Variants in PCDHA8 observed in about 807,000 individuals in gnomAD.
PCDHA8 encodes the protein protocadherin alpha 8.
Under a neutral mutation model 61.8 loss-of-function variants are expected in PCDHA8, and 53 were observed. The ratio of observed to expected loss-of-function variants is 0.86; its 90% CI spans 0.69 to 1.08. The LOEUF is 1.08. PCDHA8 is among the 50% of genes least tolerant of loss of function. PCDHA8 has a pLI of 0.00. For synonymous variants in PCDHA8, 618 were observed against 556.6 expected (o/e 1.11, Z -1.55); for missense variants, 1,293 against 1,245.0 (o/e 1.04, Z -0.58).
chr5:140,922,164 A>G lies in PCDHA8; in HGVS notation c.2395-56785A>G, dbSNP rs1382732959. Among the ~76,000 whole-genome samples the G allele has an allele frequency of 2.1e-5, 3 of 145,926 alleles. No individual in the cohort carries two copies. The East Asian group carries it at 6.4e-4, about 31-fold the overall frequency. Reference sequence around the variant, plus strand: ...CATGAAACTCATCAAAAACAACAAAAAGTACAGCAGACAAAAAAAAAGTCT... The same window carrying G: ...CATGAAACTCATCAAAAACAACAAAGAGTACAGCAGACAAAAAAAAAGTCT... On this transcript the variant is annotated intron_variant, in intron 1 of 3. Transcript: ENST00000531613.
rs781992926 is a variant in PCDHA8 at position 140,990,008 on chromosome 5, G to A, written c.2542+7445G>A. On this transcript the variant is annotated intron_variant, in intron 3 of 3. Coordinates refer to ENST00000531613, the MANE Select transcript of PCDHA8 (RefSeq NM_018911.3). ...CCTGAAATTGTCTATCTCCAAGGGCGTGGGCTAGGCAAAGGATGGGAGAAG... is the reference window on the plus strand; with the variant it reads ...CCTGAAATTGTCTATCTCCAAGGGCATGGGCTAGGCAAAGGATGGGAGAAG... Among the ~76,000 whole-genome samples the A allele has an allele frequency of 2.8e-4, 43 of 152,230 alleles. 1 individual carries two copies. The highest frequency in any genetic ancestry group is 9.1e-4 in the African/African-American group (38 of 41,532).
intron 1 of PCDHA8, among the ~76,000 whole-genome samples, chr5:140,972,578 C>A (rs1554234223): frequency 6.6e-6 from 1 of 151,798 alleles, no homozygotes; most frequent in Non-Finnish European, 1.5e-5. Flanking sequence ...GGCAATAGGG[C>A]AGAATTTCTC....
At chr5:140,956,788 G>T (rs2095310590) in intron 1 of PCDHA8, among the ~76,000 whole-genome samples, 1 of 152,094 alleles carries the variant, frequency 6.6e-6, no homozygotes, top group African/African-American at 2.4e-5. Flanking sequence ...GGCTTTGTTT[G>T]CTTGGTGGGC....
intron 1 of PCDHA8, among the ~76,000 whole-genome samples, chr5:140,953,196 TA>T (rs1166571162): frequency 6.6e-6 from 1 of 152,156 alleles, no homozygotes; most frequent in Non-Finnish European, 1.5e-5. Context: ...TTGATTAGAC[TA>T]AAAATGCAAA....
At chr5:140,964,173 C>A (rs1052958313) in intron 1 of PCDHA8, among the ~76,000 whole-genome samples, 5 of 152,174 alleles carry the variant, frequency 3.3e-5, no homozygotes, top group Non-Finnish European at 7.4e-5. Context: ...GGAACGAAAT[C>A]ATTATAGTGC....
At chr5:140,999,592 C>T (rs1443096475) in intron 3 of PCDHA8, among the ~76,000 whole-genome samples, 2 of 152,114 alleles carry the variant, frequency 1.3e-5, no homozygotes, top group Non-Finnish European at 2.9e-5. Flanking sequence ...ATTGCCTTCC[C>T]TACATCCTGG....
At chr5:140,944,292 A>G (rs1330492011) in intron 1 of PCDHA8, among the ~76,000 whole-genome samples, 1 of 152,090 alleles carries the variant, frequency 6.6e-6, no homozygotes, top group Non-Finnish European at 1.5e-5. Context: ...GGCTCAAGCG[A>G]TCCTCCTACC....
chr5:140,903,023 G>A (rs1554190732), intron 1 of PCDHA8, among the ~76,000 whole-genome samples: 1 of 152,126 alleles, frequency 6.6e-6, no homozygotes, highest in East Asian at 1.9e-4. Context: ...TATCAACATG[G>A]CTTGCACATG....
chr5:140,865,816 A>G (rs1554159628), intron 1 of PCDHA8: 1 of 152,168 alleles, frequency 6.6e-6, no homozygotes, highest in East Asian at 1.9e-4. Context: ...TTTATCCACT[A>G]TAATGTAGAG....
chr5:140,849,867 TC>T, intron 1 of PCDHA8: 1 of 1,598,534 alleles, frequency 6.3e-7, no homozygotes, highest in Non-Finnish European at 8.6e-7. Flanking sequence ...GTTCGCGCAG[TC>T]CGAGTACACG....
chr5:140,998,826 AGTGCTGGATTACTG>A (rs1301277298), intron 3 of PCDHA8, among the ~76,000 whole-genome samples: 1 of 152,240 alleles, frequency 6.6e-6, no homozygotes, highest in Non-Finnish European at 1.5e-5. Flanking sequence ...GGCCTCCCAA[AGTGCTGGATTACTG>A]GTGTGAGCCA....
At chr5:140,848,621 C>T (rs2150415318) in intron 1 of PCDHA8, 1 of 1,593,480 alleles carries the variant, frequency 6.3e-7, no homozygotes, top group Non-Finnish European at 8.6e-7. Context: ...CCGAACACGG[C>T]ACCTTCGTGG....
At chr5:140,932,338 CACTT>C (rs1448800324) in intron 1 of PCDHA8, among the ~76,000 whole-genome samples, 19 of 151,866 alleles carry the variant, frequency 1.3e-4, no homozygotes, top group Non-Finnish European at 2.2e-4. Flanking sequence ...ATGCATGAAA[CACTT>C]ACCATACAAC....
At chr5:140,847,099 C>T (rs1780855366) in intron 1 of PCDHA8, among the ~76,000 whole-genome samples, 1 of 149,656 alleles carries the variant, frequency 6.7e-6, no homozygotes. Context: ...TTGGTTAAAA[C>T]ACACAGTCTG....
chr5:140,853,424 G>C lies in PCDHA8; in HGVS notation c.2394+9709G>C, dbSNP rs112620213. On this transcript the variant is annotated intron_variant, in intron 1 of 3. Transcript: ENST00000531613. ...AAAACAGAGAGGTGAAAGCAGAAGA[G>C]ACACTTTCCTATTTTGCCTAATAGG... 9 of 986,044 alleles carry C rather than the reference G, an allele frequency of 9.1e-6. 1 individual carries two copies. In the African/African-American group the frequency reaches 1.4e-4, roughly 15 times the overall value. 61.1% of individuals were successfully genotyped at this position (986,044 alleles called of 1,614,324 possible).
intron 1 of PCDHA8, among the ~76,000 whole-genome samples, chr5:140,922,126 G>A (rs1206223275): frequency 1.3e-5 from 2 of 151,970 alleles, no homozygotes; most frequent in Non-Finnish European, 2.9e-5. Flanking sequence ...ACCTTTAAAT[G>A]TCTCTTATCC....
intron 3 of PCDHA8, among the ~76,000 whole-genome samples, chr5:141,003,377 T>C (rs2098121331): frequency 6.6e-6 from 1 of 152,180 alleles, no homozygotes; most frequent in African/African-American, 2.4e-5. Context: ...AGTGGTGCAA[T>C]CTCAGCTCAC....
intron 1 of PCDHA8, among the ~76,000 whole-genome samples, chr5:140,938,097 A>AT (rs775272450): frequency 6.6e-6 from 1 of 151,930 alleles, no homozygotes; most frequent in Non-Finnish European, 1.5e-5. Flanking sequence ...TTATTATTGT[A>AT]TTTTTTACTT....
intron 1 of PCDHA8, among the ~76,000 whole-genome samples, chr5:140,977,149 G>A (rs1484811068): frequency 6.6e-6 from 1 of 152,198 alleles, no homozygotes; most frequent in Non-Finnish European, 1.5e-5. Flanking sequence ...TGCTGGAACT[G>A]TGCCTTTCAG....
Sources: allele counts gnomAD v4.1 joint callset (sites outside exome capture counted in the v4.1 genomes callset), GRCh38; gene constraint gnomAD v4.1.1; transcripts MANE v1.5; gene names NCBI Gene and HGNC (gene_info 2026-07-23, HGNC 2026-07-21).